Variants in GRIK2 observed in about 807,000 individuals in gnomAD.
GRIK2 encodes the protein glutamate ionotropic receptor kainate type subunit 2, also known as glutamate receptor ionotropic, kainate 2.
In GRIK2, 32 loss-of-function variants were observed where a neutral mutation model predicts 100.3. The ratio of observed to expected loss-of-function variants is 0.32; its 90% CI spans 0.24 to 0.43. The LOEUF is 0.43. GRIK2 is among the 20% of genes least tolerant of loss of function. GRIK2 has a pLI of 1.00. For missense variants in GRIK2, 843 were observed against 1,114.9 expected (o/e 0.76, Z 3.47); for synonymous variants, 417 against 389.4 (o/e 1.07, Z -0.83).
At chr6:101,906,348 A>G (rs1270747001) in intron 12 of GRIK2, among the ~76,000 whole-genome samples, 9 of 61,882 alleles carry the variant, frequency 1.5e-4, no homozygotes, top group East Asian at 8.9e-4. Flanking sequence ...TTCTTGAATC[A>G]TAACTATAAA....
intron 14 of GRIK2, among the ~76,000 whole-genome samples, chr6:101,961,473 G>T (rs919739225): frequency 1.3e-5 from 2 of 152,106 alleles, no homozygotes; most frequent in Admixed American, 1.3e-4. Context: ...CGAAAGAACA[G>T]CTAGCTGCAG....
chr6:101,991,112 T>G (rs901192485), intron 14 of GRIK2, among the ~76,000 whole-genome samples: 1 of 151,920 alleles, frequency 6.6e-6, no homozygotes, highest in Admixed American at 6.6e-5. Flanking sequence ...GTATGGATTC[T>G]GATAGTTTTC....
intron 14 of GRIK2, among the ~76,000 whole-genome samples, chr6:101,957,028 A>C (rs1791981265): frequency 6.6e-6 from 1 of 151,774 alleles, no homozygotes; most frequent in Admixed American, 6.6e-5. Flanking sequence ...TGACTGTTGG[A>C]TTAAATAACT....
chr6:101,671,818 C>T lies in GRIK2; in HGVS notation c.542-4805C>T, dbSNP rs923628924. Among the ~76,000 whole-genome samples, 6 of 152,040 alleles carry T rather than the reference C, an allele frequency of 3.9e-5. 1 individual carries two copies. The highest frequency in any genetic ancestry group is 7.4e-5 in the Non-Finnish European group (5 of 68,006). On this transcript the variant is annotated intron_variant, in intron 4 of 16. Transcript: ENST00000369134. Reference sequence around the variant, plus strand: ...GGCGGAGGTTGTAGTGAGCCAAGATCGCGCAATTGCACTCCAGCCTGGGTG... The same window carrying T: ...GGCGGAGGTTGTAGTGAGCCAAGATTGCGCAATTGCACTCCAGCCTGGGTG...
intron 14 of GRIK2, among the ~76,000 whole-genome samples, chr6:101,942,381 G>T (rs1385096585): frequency 1.3e-5 from 2 of 152,182 alleles, no homozygotes; most frequent in Non-Finnish European, 2.9e-5. Flanking sequence ...ACATGTGGAA[G>T]CAACTTTGGA....
intron 8 of GRIK2, among the ~76,000 whole-genome samples, chr6:101,800,964 A>C (rs1011094439): frequency 3.3e-5 from 5 of 152,080 alleles, no homozygotes; most frequent in Non-Finnish European, 7.4e-5. Context: ...CCTTATGAGG[A>C]CCAACAGGAG....
rs1307884127 is a variant in GRIK2, at chr6:101,707,570, A to C, written c.951+21217A>C. On this transcript the variant is annotated intron_variant, in intron 7 of 16. Coordinates refer to ENST00000369134, the MANE Select transcript of GRIK2 (RefSeq NM_021956.5). Reference sequence around the variant, plus strand: ...TATATATGTGTATATATATGTATATATGTGTATGTGTGTGTGTGTGTGTGT... The same window carrying C: ...TATATATGTGTATATATATGTATATCTGTGTATGTGTGTGTGTGTGTGTGT... Among the ~76,000 whole-genome samples the C allele has an allele frequency of 5.5e-5, 4 of 72,382 alleles. No individual in the cohort carries two copies. In the South Asian group the frequency reaches 1.9e-3, roughly 34 times the overall value. 47.5% of individuals were successfully genotyped at this position (72,382 alleles called of 152,430 possible).
At position 101,568,305 on chromosome 6, in the gene GRIK2, G is replaced by A. The variant is rs551422586; in HGVS notation, c.116-53644G>A. 8.6e-5 allele frequency among the ~76,000 whole-genome samples: 13 copies of A among 151,988 alleles called. No homozygotes were observed. The South Asian group carries it at 2.7e-3, about 31-fold the overall frequency. ...TGCCAAGGTAACCTAAATCCTTTGT[G>A]CTTCTTTGGGCACTTGACATGCTCA... On this transcript the variant is annotated intron_variant, in intron 2 of 16. Coordinates refer to ENST00000369134, the MANE Select transcript of GRIK2 (RefSeq NM_021956.5).
intron 7 of GRIK2, among the ~76,000 whole-genome samples, chr6:101,692,024 C>T (rs1000291770): frequency 3.2e-5 from 3 of 94,350 alleles, no homozygotes; most frequent in African/African-American, 9.0e-5. Flanking sequence ...TAAACTCCAA[C>T]GTAACACCCC....
intron 14 of GRIK2, among the ~76,000 whole-genome samples, chr6:101,960,770 C>T (rs370666883): frequency 6.6e-5 from 10 of 152,182 alleles, no homozygotes; most frequent in East Asian, 1.9e-4. Context: ...GCACAATGCT[C>T]TTCTGACAGA....
chr6:101,493,296 C>A (rs1483705241), intron 2 of GRIK2, among the ~76,000 whole-genome samples: 2 of 151,696 alleles, frequency 1.3e-5, no homozygotes, highest in Non-Finnish European at 2.9e-5. Context: ...AAAAGAAATT[C>A]CCTAAACACA....
At chr6:101,500,394 TA>T (rs1773684305) in intron 2 of GRIK2, among the ~76,000 whole-genome samples, 1 of 152,084 alleles carries the variant, frequency 6.6e-6, no homozygotes, top group Non-Finnish European at 1.5e-5. Context: ...AGACTTAGAG[TA>T]ATCTATAGGT....
Position 101,399,077 on chromosome 6 carries a change from A to G in GRIK2, c.-201A>G, listed in dbSNP as rs963652627. 2 of 521,846 alleles carry G rather than the reference A, an allele frequency of 3.8e-6. No homozygotes were observed. Among genetic ancestry groups the G allele is most frequent in the African/African-American group, 3.9e-5 (2 of 51,766 alleles). The allele number at this position is 521,846 out of a possible 1,614,324, so 32.3% of individuals were successfully genotyped here. ...ATGTCCCACCATTCCTTGCAGTGGA[A>G]GGTTGTTCCTTGGCGCAGTGAGTGA... On this transcript the variant is annotated 5_prime_UTR_variant, in exon 2 of 17. Coordinates refer to ENST00000369134, the MANE Select transcript of GRIK2 (RefSeq NM_021956.5).
At position 101,809,678 on chromosome 6, in the gene GRIK2, C is replaced by T. The variant is rs9498717; in HGVS notation, c.1203+7240C>T. The stretch of plus-strand genomic sequence containing the variant: ...AGCAATTTTAATGGTGATGTTAACT[C>T]GTAAACTTTAAATTAGTCAAAAAGT... On this transcript the variant is annotated intron_variant, in intron 9 of 16. Coordinates refer to ENST00000369134, the MANE Select transcript of GRIK2 (RefSeq NM_021956.5). Among the ~76,000 whole-genome samples the T allele has an allele frequency of 6.2e-3, 945 of 152,026 alleles. 12 individuals carry two copies. Among genetic ancestry groups the T allele is most frequent in the African/African-American group, 0.022 (897 of 41,498 alleles).
chr6:101,650,337 AG>A (rs1781726218), intron 4 of GRIK2, among the ~76,000 whole-genome samples: 2 of 152,156 alleles, frequency 1.3e-5, no homozygotes, highest in Admixed American at 1.3e-4. Context: ...GAAGCACCAG[AG>A]GGGTCACCAA....
At chr6:102,051,458 G>A (rs983599581) in intron 15 of GRIK2, among the ~76,000 whole-genome samples, 1 of 152,064 alleles carries the variant, frequency 6.6e-6, no homozygotes, top group Admixed American at 6.6e-5. Flanking sequence ...TGAGAGCAGC[G>A]ATATAGAAAG....
chr6:101,706,796 A>G (rs1386880651), intron 7 of GRIK2, among the ~76,000 whole-genome samples: 2 of 151,936 alleles, frequency 1.3e-5, no homozygotes, highest in African/African-American at 4.8e-5. Flanking sequence ...GCCAAGCTCA[A>G]TCACTGGCTG....
chr6:101,525,446 C>T (rs1775104269), intron 2 of GRIK2, among the ~76,000 whole-genome samples: 3 of 152,050 alleles, frequency 2.0e-5, no homozygotes, highest in African/African-American at 7.2e-5. Flanking sequence ...CAAATTATAA[C>T]CTTTTAACCT....
intron 2 of GRIK2, among the ~76,000 whole-genome samples, chr6:101,548,500 A>G (rs1277945966): frequency 2.0e-5 from 3 of 152,158 alleles, no homozygotes; most frequent in Non-Finnish European, 4.4e-5. Flanking sequence ...TTTTTGTATA[A>G]GGTGTAAGGA....
Sources: gnomAD v4.1 joint callset for allele counts (sites outside exome capture counted in the v4.1 genomes callset) on GRCh38, gnomAD v4.1.1 for gene constraint, MANE v1.5 for transcripts, NCBI Gene and HGNC (gene_info 2026-07-23, HGNC 2026-07-21) for gene names.